The following NBEA variants were observed in gnomAD, a reference collection of about 807,000 sequenced individuals.
The protein encoded by NBEA is lysosomal-trafficking regulator 2.
A neutral mutation model predicts 343.4 loss-of-function variants in NBEA; 44 were observed. That is an observed-to-expected ratio of 0.13 (90% CI 0.10 to 0.16). The LOEUF (loss-of-function observed/expected upper bound fraction) is 0.16, where lower values mean the gene tolerates loss of function less well. Ranked by LOEUF, NBEA falls within the 10% of genes least tolerant of loss-of-function variation. The pLI is 1.00. For missense variants in NBEA, 2,555 were observed against 3,631.3 expected (o/e 0.70, Z 7.62); for synonymous variants, 1,175 against 1,238.7 (o/e 0.95, Z 1.08).
intron 28 of NBEA, among the ~76,000 whole-genome samples, chr13:35,177,753 A>G (rs1351047018): frequency 1.3e-5 from 2 of 151,818 alleles, no homozygotes; most frequent in African/African-American, 2.4e-5. Flanking sequence ...CATGGTTATT[A>G]TAAACCAGCC....
intron 47 of NBEA, among the ~76,000 whole-genome samples, chr13:35,601,944 T>C (rs1438871255): frequency 6.6e-6 from 1 of 152,142 alleles, no homozygotes; most frequent in African/African-American, 2.4e-5. Context: ...TTTACCTCAG[T>C]GTTCATGTCT....
In NBEA at chr13:35,220,230, C is replaced by A. The variant is rs532401366; in HGVS notation, c.5648+9051C>A. ...TGTGCATGTTCATCTTAAATTCACACCCTGCAAGAAAGTATACTTATTTTA... is the reference window on the plus strand; with the variant it reads ...TGTGCATGTTCATCTTAAATTCACAACCTGCAAGAAAGTATACTTATTTTA... On this transcript the variant is annotated intron_variant, in intron 33 of 58. Transcript: ENST00000379939. Among the ~76,000 whole-genome samples the A allele has an allele frequency of 5.3e-5, 8 of 152,224 alleles. No homozygotes were observed. The South Asian group carries it at 1.4e-3, about 28-fold the overall frequency.
intron 47 of NBEA, among the ~76,000 whole-genome samples, chr13:35,597,126 C>A (rs1464016634): frequency 6.6e-6 from 1 of 152,050 alleles, no homozygotes; most frequent in Non-Finnish European, 1.5e-5. Context: ...ACTTTCAGGT[C>A]CAATTTCTCA....
At chr13:35,179,443 C>G (rs574240313) in intron 28 of NBEA, among the ~76,000 whole-genome samples, 1 of 150,748 alleles carries the variant, frequency 6.6e-6, no homozygotes, top group African/African-American at 2.4e-5. Context: ...TTAGTCATTC[C>G]CCAGATGTTT....
intron 39 of NBEA, among the ~76,000 whole-genome samples, chr13:35,434,764 G>A (rs902022563): frequency 3.9e-5 from 6 of 152,144 alleles, no homozygotes; most frequent in African/African-American, 1.4e-4. Flanking sequence ...ACAAATTGAC[G>A]AGAGAAATTT....
chr13:35,030,841 TA>T (rs767679158), intron 1 of NBEA, among the ~76,000 whole-genome samples: 7 of 151,780 alleles, frequency 4.6e-5, no homozygotes, highest in African/African-American at 7.2e-5. Flanking sequence ...AAATGATACA[TA>T]GAAAGGGGCA....
intron 36 of NBEA, among the ~76,000 whole-genome samples, chr13:35,339,732 A>G (rs561029243): frequency 3.3e-5 from 5 of 152,236 alleles, no homozygotes; most frequent in African/African-American, 7.2e-5. Context: ...TGGCAGAAGC[A>G]GGAGCAAGAG....
intron 51 of NBEA, among the ~76,000 whole-genome samples, chr13:35,647,335 G>T (rs2084284985): frequency 6.6e-6 from 1 of 152,054 alleles, no homozygotes; most frequent in Non-Finnish European, 1.5e-5. Flanking sequence ...TCTAATTTTA[G>T]AGTAAAGAGC....
chr13:35,668,306 GGTT>G lies in NBEA; in HGVS notation c.8662-56_8662-54del, dbSNP rs1465374886. Reference sequence around the variant, plus strand: ...CTATTTAGGAAAAATTGAGAGAAATGGTTGTTGTGTATTTTATTTTATTTTGTT... The same window carrying G: ...CTATTTAGGAAAAATTGAGAGAAATGGTTGTGTATTTTATTTTATTTTGTT... On this transcript the variant is annotated intron_variant, in intron 57 of 58. Coordinates refer to ENST00000379939, the MANE Select transcript of NBEA (RefSeq NM_001385012.1). 2.7e-6 allele frequency: 4 copies of G among 1,504,048 alleles called. No homozygotes were observed. In the Admixed American group the frequency reaches 6.1e-5, roughly 23 times the overall value. 93.2% of individuals were successfully genotyped at this position (1,504,048 alleles called of 1,614,324 possible).
intron 38 of NBEA, among the ~76,000 whole-genome samples, chr13:35,383,678 T>C (rs906018599): frequency 6.6e-6 from 1 of 152,022 alleles, no homozygotes; most frequent in East Asian, 1.9e-4. Flanking sequence ...ACAGGATCTA[T>C]TGGACGTAGC....
intron 49 of NBEA, among the ~76,000 whole-genome samples, chr13:35,632,632 A>G (rs1484393289): frequency 1.3e-5 from 2 of 152,024 alleles, no homozygotes; most frequent in Non-Finnish European, 1.5e-5. Context: ...TTTCAGAGAC[A>G]GTCTCACTCT....
chr13:35,113,564 G>A (rs575016456), intron 13 of NBEA, among the ~76,000 whole-genome samples: 1 of 150,788 alleles, frequency 6.6e-6, no homozygotes, highest in Non-Finnish European at 1.5e-5. Flanking sequence ...CTGTAAGGAA[G>A]AACTTGTTTT....
intron 36 of NBEA, among the ~76,000 whole-genome samples, chr13:35,325,446 C>A (rs1244781524): frequency 6.6e-6 from 1 of 151,650 alleles, no homozygotes; most frequent in African/African-American, 2.4e-5. Flanking sequence ...ATAAATAATA[C>A]CAATATACTG....
chr13:35,288,713 A>G (rs558163517), intron 34 of NBEA, among the ~76,000 whole-genome samples: 1 of 152,126 alleles, frequency 6.6e-6, no homozygotes, highest in East Asian at 1.9e-4. Flanking sequence ...TTTATTATAT[A>G]TTTAAAAACT....
chr13:35,300,152 C>T (rs118101244), intron 35 of NBEA, among the ~76,000 whole-genome samples: 5,369 of 152,148 alleles, frequency 0.035, 141 homozygotes, highest in Non-Finnish European at 0.054. Flanking sequence ...TAGTAATATG[C>T]ACTTAAGAAG....
chr13:35,025,514 C>T (rs774185585), intron 1 of NBEA, among the ~76,000 whole-genome samples: 3 of 151,992 alleles, frequency 2.0e-5, no homozygotes, highest in Non-Finnish European at 4.4e-5. Flanking sequence ...CTAACCTGTT[C>T]CATTGGTCTG....
chr13:35,514,135 C>T lies in NBEA; in HGVS notation c.6586-36342C>T, dbSNP rs2077390667. Among the ~76,000 whole-genome samples, 3 of 151,666 alleles carry T rather than the reference C, an allele frequency of 2.0e-5. No individual in the cohort carries two copies. The South Asian group carries it at 6.2e-4, about 32-fold the overall frequency. ...TTTAGAAAAAAAAAAAAGAAACTGA[C>T]ATCAATTTTATATAAAAGAAGCCCT... On this transcript the variant is annotated intron_variant, in intron 41 of 58. Transcript: ENST00000379939.
rs561551859 is a variant in NBEA at position 35,358,529 on chromosome 13, C to G, written c.6179+6206C>G. ...GGTTAGGAGTTCAAGATCAGCCTGG[C>G]CAACATGGTGAAACCCTGTCTCTAC... On this transcript the variant is annotated intron_variant, in intron 38 of 58. Coordinates refer to ENST00000379939, the MANE Select transcript of NBEA (RefSeq NM_001385012.1). Among the ~76,000 whole-genome samples, 131 of 151,670 alleles carry G rather than the reference C, an allele frequency of 8.6e-4. 1 individual carries two copies. In the Middle Eastern group the frequency reaches 0.01, roughly 12 times the overall value.
chr13:35,548,076 C>T (rs1705707255), intron 41 of NBEA, among the ~76,000 whole-genome samples: 1 of 152,060 alleles, frequency 6.6e-6, no homozygotes, highest in South Asian at 2.1e-4. Flanking sequence ...AACACCAGAA[C>T]AGAGAAGAAA....
Sources: allele counts gnomAD v4.1 joint callset (sites outside exome capture counted in the v4.1 genomes callset), GRCh38; gene constraint gnomAD v4.1.1; transcripts MANE v1.5; gene names NCBI Gene and HGNC (gene_info 2026-07-23, HGNC 2026-07-21).